DEK: variants seen among roughly 807,000 people sequenced by gnomAD.
DEK encodes protein DEK.
Under a neutral mutation model 46.8 loss-of-function variants are expected in DEK, and 28 were observed. The observed-to-expected ratio is 0.60, with a 90% CI of 0.44 to 0.82. The LOEUF is 0.82. DEK is among the 40% of genes least tolerant of loss of function. DEK has a pLI of 0.00. For missense variants in DEK, 416 were observed against 430.6 expected (o/e 0.97, Z 0.30); for synonymous variants, 160 against 144.5 (o/e 1.11, Z -0.77).
chr6:18,259,430 A>AAAAAAAATAAATAAAT (rs1554162685), intron 2 of DEK, among the ~76,000 whole-genome samples: 1 of 96,742 alleles, frequency 1.0e-5, no homozygotes, highest in Non-Finnish European at 2.4e-5. Flanking sequence ...AAAAAAAAAA[A>AAAAAAAATAAATAAAT]AAATCTAGAA....
At chr6:18,261,888 T>C (rs214517) in intron 2 of DEK, among the ~76,000 whole-genome samples, 79,751 of 151,934 alleles carry the variant, frequency 0.52, 22,242 homozygotes, top group African/African-American at 0.73. Context: ...GTGAGAAACA[T>C]ATGAGAGTTG....
intron 6 of DEK, among the ~76,000 whole-genome samples, chr6:18,251,475 T>C (rs1016028715): frequency 1.2e-4 from 19 of 152,252 alleles, no homozygotes; most frequent in African/African-American, 4.6e-4. Context: ...ATAACCTAGA[T>C]TGCTCCAACA....
Position 18,264,496 on chromosome 6 carries a change from TCG to T in DEK, c.-123_-122del, listed in dbSNP as rs746761662. 1 of 251,308 alleles carries T rather than the reference TCG, an allele frequency of 4.0e-6. No homozygotes were observed. The highest frequency in any genetic ancestry group is 8.0e-6 in the Non-Finnish European group (1 of 125,436). The allele number at this position is 251,308 out of a possible 1,614,324, so 15.6% of individuals were successfully genotyped here. A position where few individuals can be genotyped will look rare whatever the true frequency, so the allele number is the denominator to read the frequency against. On this transcript the variant is annotated 5_prime_UTR_variant, in exon 1 of 11. Transcript: ENST00000652689. ...CGCGGGCCGCTGTCTGGCGTGACGCTCGCGCCGCGCGCTCGGCTCCCCAGAAT... is the reference window on the plus strand; with the variant it reads ...CGCGGGCCGCTGTCTGGCGTGACGCTCGCCGCGCGCTCGGCTCCCCAGAAT...
At chr6:18,256,991 CCAGACATTCTATTCTACTT>C (rs1791622949) in intron 4 of DEK, among the ~76,000 whole-genome samples, 1 of 152,094 alleles carries the variant, frequency 6.6e-6, no homozygotes, top group South Asian at 2.1e-4. Context: ...ATGTCATGCA[CCAGACATTCTATTCTACTT>C]CAGACATTCT....
At chr6:18,256,538 A>G in intron 4 of DEK, 83 bp from the exon 5 acceptor site, 1 of 1,170,700 alleles carries the variant, frequency 8.5e-7, no homozygotes, top group Non-Finnish European at 1.2e-6. Context: ...CAAAGTCAAC[A>G]TCTTTATTTT....
At chr6:18,263,183 T>G (rs540197835) in intron 2 of DEK, among the ~76,000 whole-genome samples, 1 of 152,294 alleles carries the variant, frequency 6.6e-6, no homozygotes, top group South Asian at 2.1e-4. Context: ...TCCAGTCAAA[T>G]CAGGGCTCAT....
chr6:18,244,993 G>A (rs1375403576), intron 7 of DEK, among the ~76,000 whole-genome samples: 2 of 152,122 alleles, frequency 1.3e-5, no homozygotes, highest in African/African-American at 4.8e-5. Flanking sequence ...GGCAAACATT[G>A]TAAGATGGCT....
chr6:18,248,483 A>G (rs553538220), intron 7 of DEK, among the ~76,000 whole-genome samples: 9 of 152,318 alleles, frequency 5.9e-5, no homozygotes, highest in Non-Finnish European at 1.3e-4. Flanking sequence ...TCCAATCCAT[A>G]AAGACCTTAA....
intron 5 of DEK, 115 bp downstream of exon 5, chr6:18,256,246 C>T (rs1423686758): frequency 3.1e-5 from 28 of 892,558 alleles, no homozygotes; most frequent in Non-Finnish European, 4.7e-5. Context: ...CTCAGCCTCC[C>T]AAAGTGCTGG....
chr6:18,228,649 C>A (rs1790247540), intron 9 of DEK, among the ~76,000 whole-genome samples: 1 of 152,168 alleles, frequency 6.6e-6, no homozygotes, highest in African/African-American at 2.4e-5. Flanking sequence ...ATAGACGGCA[C>A]CTGGAAAATT....
intron 9 of DEK, among the ~76,000 whole-genome samples, chr6:18,229,075 G>A (rs192140547): frequency 6.0e-4 from 91 of 152,156 alleles, no homozygotes; most frequent in African/African-American, 2.2e-3. Context: ...GATCAGGCAG[G>A]ACAGTATTTG....
chr6:18,251,139 A>C (rs1385543983), intron 6 of DEK, among the ~76,000 whole-genome samples: 1 of 152,226 alleles, frequency 6.6e-6, no homozygotes, highest in Non-Finnish European at 1.5e-5. Context: ...AACATCAAGA[A>C]TGTTAAAATG....
At chr6:18,257,129 C>T (rs995489147) in intron 4 of DEK, among the ~76,000 whole-genome samples, 8 of 152,152 alleles carry the variant, frequency 5.3e-5, no homozygotes, top group African/African-American at 1.9e-4. Context: ...AAAGAACTAT[C>T]ATCCAATTTA....
rs147498443 is a variant in DEK, at chr6:18,258,670, T to C, written c.146-265A>G. On this transcript the variant is annotated intron_variant, in intron 2 of 10. Transcript: ENST00000652689. ...AAAAATTAGAAAGCAAACTAATTTT[T>C]ATCCAACTAAAATTATTGCCATTAC... 6.6e-5 allele frequency among the ~76,000 whole-genome samples: 10 copies of C among 152,336 alleles called. No homozygotes were observed. In the East Asian group the frequency reaches 1.5e-3, roughly 23 times the overall value.
At chr6:18,226,761 C>T (rs1790145437) in intron 9 of DEK, among the ~76,000 whole-genome samples, 1 of 152,154 alleles carries the variant, frequency 6.6e-6, no homozygotes, top group African/African-American at 2.4e-5. Flanking sequence ...GCCTGGACCA[C>T]AGAGTGTGGG....
At chr6:18,239,338 CTT>C (rs58941276) in intron 7 of DEK, among the ~76,000 whole-genome samples, 20 of 78,284 alleles carry the variant, frequency 2.6e-4, no homozygotes, top group African/African-American at 6.0e-4. Context: ...ATTTTAGTGT[CTT>C]TTTTTTTTTT....
rs571792210 is a variant in DEK, at chr6:18,264,458, CGAG to C, written c.-86_-84del. 1.9e-3 allele frequency: 551 copies of C among 283,592 alleles called. 3 individuals carry two copies. The highest frequency in any genetic ancestry group is 3.2e-3 in the Non-Finnish European group (444 of 140,162). The allele number at this position is 283,592 out of a possible 1,614,324, so 17.6% of individuals were successfully genotyped here. On this transcript the variant is annotated 5_prime_UTR_variant, in exon 1 of 11. Transcript: ENST00000652689. Reference sequence around the variant, plus strand: ...TCTGGGAGGCGGCGGCGGCCGACGCCGAGGAGAAGGCGCGCGGGCCGCTGTCTG... The same window carrying C: ...TCTGGGAGGCGGCGGCGGCCGACGCCGAGAAGGCGCGCGGGCCGCTGTCTG...
chr6:18,244,816 T>C (rs1435611835), intron 7 of DEK, among the ~76,000 whole-genome samples: 1 of 152,216 alleles, frequency 6.6e-6, no homozygotes, highest in Non-Finnish European at 1.5e-5. Context: ...ATACAGATTT[T>C]GCAATTCCTC....
intron 7 of DEK, among the ~76,000 whole-genome samples, chr6:18,246,159 C>A (rs1416011470): frequency 1.3e-5 from 2 of 152,112 alleles, no homozygotes; most frequent in Non-Finnish European, 2.9e-5. Context: ...GAAGCTAATC[C>A]CACATAGGAA....
Sources: allele counts gnomAD v4.1 joint callset (sites outside exome capture counted in the v4.1 genomes callset), GRCh38; gene constraint gnomAD v4.1.1; transcripts MANE v1.5; gene names NCBI Gene and HGNC (gene_info 2026-07-23, HGNC 2026-07-21).